MRTFB: variants seen among roughly 807,000 people sequenced by gnomAD.
The protein encoded by MRTFB is myocardin related transcription factor B.
Under a neutral mutation model 104.2 loss-of-function variants are expected in MRTFB, and 29 were observed. That is an observed-to-expected ratio of 0.28 (90% CI 0.21 to 0.38). The LOEUF is 0.38. Ranked by LOEUF, MRTFB falls within the 10% of genes least tolerant of loss-of-function variation. The probability of loss-of-function intolerance (pLI) is 1.00; values close to 1 mark genes in which losing one functional copy is unlikely to be tolerated. For synonymous variants in MRTFB, 535 were observed against 519.5 expected (o/e 1.03, Z -0.41); for missense variants, 1,270 against 1,341.6 (o/e 0.95, Z 0.83).
rs1396970636 is a variant in MRTFB at position 14,247,143 on chromosome 16, A to T, written c.1883A>T (p.Asp628Val). Residue 628 changes from aspartate to valine, a missense_variant, in exon 12 of 17, where the codon GAT (aspartate) becomes GTT (valine). Coordinates refer to ENST00000571589, the MANE Select transcript of MRTFB (RefSeq NM_001308142.2). The stretch of plus-strand genomic sequence containing the variant: ...GCCCCAGGTCATTCTGTCAAGTCAG[A>T]TCAGAAGCACGGCAGCCTTGGCTCC... ...PSAPGHSVKS[D>V]QKHGSLGSSI... The T allele has an allele frequency of 3.1e-6, 5 of 1,614,050 alleles. No individual in the cohort carries two copies. The African/African-American group carries it at 4.0e-5, about 13-fold the overall frequency.
chr16:14,086,199 G>A (rs2034695030), intron 2 of MRTFB, among the ~76,000 whole-genome samples: 2 of 152,156 alleles, frequency 1.3e-5, no homozygotes, highest in Admixed American at 1.3e-4. Context: ...TCTTTGTCCA[G>A]TATCCTGTCT....
At chr16:14,012,433 G>A in the MRTFB span, among the ~76,000 whole-genome samples, 9 of 151,254 alleles carry the variant, frequency 6.0e-5, no homozygotes, top group East Asian at 1.6e-3. Flanking sequence ...CAAGTAGCTG[G>A]GACTACAGGC....
At chr16:14,216,684 C>T (rs1234499125) in intron 6 of MRTFB, among the ~76,000 whole-genome samples, 1 of 152,016 alleles carries the variant, frequency 6.6e-6, no homozygotes, top group Non-Finnish European at 1.5e-5. Flanking sequence ...TTGACCTCTG[C>T]AGAGAAGCTT....
chr16:14,001,211 G>A, the MRTFB span, among the ~76,000 whole-genome samples: 3 of 152,214 alleles, frequency 2.0e-5, no homozygotes, highest in Non-Finnish European at 4.4e-5. Context: ...CATGAAAGGG[G>A]AATTTATTGG....
At chr16:14,120,521 C>T (rs955893302) in intron 2 of MRTFB, among the ~76,000 whole-genome samples, 2 of 152,144 alleles carry the variant, frequency 1.3e-5, no homozygotes, top group African/African-American at 4.8e-5. Flanking sequence ...GTTGCACAAG[C>T]CAGTGTCACT....
chr16:14,129,069 ATGT>A (rs1284430800), intron 2 of MRTFB, among the ~76,000 whole-genome samples: 26 of 152,352 alleles, frequency 1.7e-4, no homozygotes, highest in African/African-American at 6.3e-4. Flanking sequence ...AGATTCAGGC[ATGT>A]TGTTTCACCT....
At chr16:14,095,801 G>C (rs1183599725) in intron 2 of MRTFB, among the ~76,000 whole-genome samples, 1 of 152,180 alleles carries the variant, frequency 6.6e-6, no homozygotes, top group Non-Finnish European at 1.5e-5. Context: ...ACTGAATACT[G>C]TGGTTTGTTT....
chr16:14,045,205 G>A, the MRTFB span, among the ~76,000 whole-genome samples: 7 of 152,236 alleles, frequency 4.6e-5, no homozygotes, highest in African/African-American at 1.7e-4. Context: ...CAAAATTTGA[G>A]CCCTCCCTCT....
intron 8 of MRTFB, among the ~76,000 whole-genome samples, chr16:14,222,451 A>T (rs921529829): frequency 6.6e-6 from 1 of 151,890 alleles, no homozygotes; most frequent in Non-Finnish European, 1.5e-5. Flanking sequence ...CTCACCAGCT[A>T]TCGTTAATGT....
chr16:14,126,164 A>G (rs56758109), intron 2 of MRTFB, among the ~76,000 whole-genome samples: 8,789 of 152,262 alleles, frequency 0.058, 506 homozygotes, highest in East Asian at 0.3. Flanking sequence ...CTTTAGAAAC[A>G]ATACCCACTC....
intron 1 of MRTFB, among the ~76,000 whole-genome samples, chr16:14,078,145 A>G (rs930256628): frequency 1.3e-5 from 2 of 152,012 alleles, no homozygotes; most frequent in Non-Finnish European, 2.9e-5. Flanking sequence ...TCCCCCACCC[A>G]GTCAAAAACA....
chr16:14,242,687 G>C (rs1261012495), intron 10 of MRTFB, among the ~76,000 whole-genome samples: 1 of 152,136 alleles, frequency 6.6e-6, no homozygotes, highest in East Asian at 1.9e-4. Context: ...GAAGGCCACT[G>C]CATCCCTCTG....
At chr16:14,001,243 C>G in the MRTFB span, among the ~76,000 whole-genome samples, 4 of 152,162 alleles carry the variant, frequency 2.6e-5, no homozygotes, top group African/African-American at 9.7e-5. Context: ...GCTCCAAAGG[C>G]GGCCAAGGGT....
Position 14,234,139 on chromosome 16 carries a change from C to A in MRTFB, c.694-7C>A. 1 of 1,605,386 alleles carries A rather than the reference C, an allele frequency of 6.2e-7. No individual in the cohort carries two copies. Among genetic ancestry groups the A allele is most frequent in the Non-Finnish European group, 8.5e-7 (1 of 1,176,820 alleles). On this transcript the variant is annotated splice_region_variant and splice_polypyrimidine_tract_variant and intron_variant, in intron 8 of 16. Transcript: ENST00000571589. Reference sequence around the variant, plus strand: ...ACAGACTTGTTCCTTTTTGCCTTTTCCACCAGTTTGCTTCAGTGTCCCCAA... The same window carrying A: ...ACAGACTTGTTCCTTTTTGCCTTTTACACCAGTTTGCTTCAGTGTCCCCAA...
intron 2 of MRTFB, among the ~76,000 whole-genome samples, chr16:14,082,531 C>A (rs1363846777): frequency 1.3e-5 from 2 of 152,080 alleles, no homozygotes. Context: ...GCTCAAATCC[C>A]AGCACTTTGG....
intron 3 of MRTFB, among the ~76,000 whole-genome samples, chr16:14,197,626 T>C (rs1351273804): frequency 1.3e-5 from 2 of 152,192 alleles, no homozygotes; most frequent in Admixed American, 6.5e-5. Flanking sequence ...ACCATGCAAA[T>C]TTAAGTAAAA....
Position 14,248,993 on chromosome 16 carries a change from C to CCTTGGGCTCAGG in MRTFB, c.2320_2321insGCTCAGGCTTGG (p.Leu773_Ala774insGlySerGlyLeu). ...ACTGCTGCACAAATACCAACTGCTG[C>CCTTGGGCTCAGG]CTTGGCCTCAGGCTTGGCCCCAACT... is the stretch of plus-strand genomic sequence containing the variant. On this transcript the variant is annotated inframe_insertion, in exon 13 of 17. Transcript: ENST00000571589. The CCTTGGGCTCAGG allele has an allele frequency of 6.2e-7, 1 of 1,614,220 alleles. No individual in the cohort carries two copies. Among genetic ancestry groups the CCTTGGGCTCAGG allele is most frequent in the Non-Finnish European group, 8.5e-7 (1 of 1,180,040 alleles).
chr16:14,116,200 C>T (rs1428313644), intron 2 of MRTFB, among the ~76,000 whole-genome samples: 3 of 151,980 alleles, frequency 2.0e-5, no homozygotes, highest in Non-Finnish European at 4.4e-5. Context: ...TCTTCTGTTC[C>T]ATAGTCCTGC....
chr16:14,078,105 C>T (rs978319581), intron 1 of MRTFB, among the ~76,000 whole-genome samples: 7 of 152,058 alleles, frequency 4.6e-5, no homozygotes, highest in East Asian at 1.9e-4. Flanking sequence ...TATAGTGCTA[C>T]GTAATTCTGC....
Sources: allele counts gnomAD v4.1 joint callset (sites outside exome capture counted in the v4.1 genomes callset), GRCh38; gene constraint gnomAD v4.1.1; transcripts MANE v1.5; gene names NCBI Gene and HGNC (gene_info 2026-07-23, HGNC 2026-07-21).